The following SLC9A1 variants were observed in gnomAD, a reference collection of about 807,000 sequenced individuals.
SLC9A1 encodes sodium/hydrogen exchanger 1.
In SLC9A1, 22 loss-of-function variants were observed where a neutral mutation model predicts 67.9. That is an observed-to-expected ratio of 0.32 (90% CI 0.23 to 0.46). The LOEUF (loss-of-function observed/expected upper bound fraction) is 0.46. Among genes scored for constraint, SLC9A1 ranks in the 20% least tolerant of loss-of-function variants. SLC9A1 has a pLI of 1.00. For missense variants in SLC9A1, 686 were observed against 1,094.8 expected, an observed-to-expected ratio of 0.63 and a Z score of 5.27; for synonymous variants, 421 against 471.8, an observed-to-expected ratio of 0.89 and a Z score of 1.40.
chr1:27,153,231 G>A (rs1467214506), intron 1 of SLC9A1, among the ~76,000 whole-genome samples: 2 of 152,194 alleles, frequency 1.3e-5, no homozygotes, highest in South Asian at 4.2e-4. Flanking sequence ...GCCAGGCAGC[G>A]ACCTGGGGGT....
chr1:27,103,093 G>A, intron 6 of SLC9A1, 130 bp downstream of exon 6: 1 of 741,292 alleles, frequency 1.3e-6, no homozygotes, highest in Non-Finnish European at 2.4e-6. Flanking sequence ...CGGCCTCCTG[G>A]GGCAGAGGGA....
At chr1:27,104,256 AT>A (rs1250753113) in intron 5 of SLC9A1, among the ~76,000 whole-genome samples, 2 of 151,772 alleles carry the variant, frequency 1.3e-5, no homozygotes, top group Non-Finnish European at 2.9e-5. Context: ...TAATTTTTGT[AT>A]TTTTAGTAGA....
Position 27,132,937 on chromosome 1 carries a change from C to T in SLC9A1, c.353-18651G>A, listed in dbSNP as rs553057688. Among the ~76,000 whole-genome samples, 163 of 152,332 alleles carry T rather than the reference C, an allele frequency of 1.1e-3. 1 individual carries two copies. The highest frequency in any genetic ancestry group is 3.8e-3 in the African/African-American group (156 of 41,574). On this transcript the variant is annotated intron_variant, in intron 1 of 11. Transcript: ENST00000263980. The stretch of plus-strand genomic sequence containing the variant: ...CTGGTACTGCACTGTGACGTGGTAG[C>T]TAAACACCCGGGAGAGTGGGACCCA...
chr1:27,136,919 T>A (rs2083423846), intron 1 of SLC9A1, among the ~76,000 whole-genome samples: 3 of 152,142 alleles, frequency 2.0e-5, no homozygotes, highest in Admixed American at 6.5e-5. Flanking sequence ...TTCCCCCATC[T>A]TCAGGAAAGA....
intron 1 of SLC9A1, among the ~76,000 whole-genome samples, chr1:27,129,764 C>A (rs1570872417): frequency 6.6e-6 from 1 of 152,290 alleles, no homozygotes; most frequent in South Asian, 2.1e-4. Context: ...GGTGCCAACC[C>A]CCCCATTCCA....
chr1:27,153,660 G>A (rs982596568), intron 1 of SLC9A1, among the ~76,000 whole-genome samples: 3 of 152,208 alleles, frequency 2.0e-5, no homozygotes, highest in African/African-American at 7.2e-5. Flanking sequence ...GGGGTGCCTG[G>A]CTCCCCTGGG....
chr1:27,101,739 G>A lies in SLC9A1; in HGVS notation c.2023C>T (p.Gln675Ter). Residue 675 changes from glutamine (Q) to a stop codon, truncating the protein, a stop_gained, in exon 10 of 12, where the codon CAG becomes TAG. Coordinates refer to ENST00000263980, the MANE Select transcript of SLC9A1 (RefSeq NM_003047.5). LOFTEE classifies it high-confidence loss of function. The surrounding 1 kb of genome is among the most constrained non-coding windows in gnomAD (Gnocchi z 4.9). Reference protein sequence around the residue: ...QMLLRRQKARQLEQKINNYLT... With the variant: ...QMLLRRQKAR ...GCAGAGGCTACCTTCTGCTCCAGCT[G>A]CCGGGCCTTCTGCCTCCGGAGCAGC... The A allele has an allele frequency of 6.2e-7, 1 of 1,611,470 alleles. No individual in the cohort carries two copies. The highest frequency in any genetic ancestry group is 8.5e-7 in the Non-Finnish European group (1 of 1,178,464).
At position 27,101,058 on chromosome 1, in the gene SLC9A1, C is replaced by G; in HGVS notation, c.2110+145G>C. On this transcript the variant is annotated intron_variant, in intron 11 of 11. Coordinates refer to ENST00000263980, the MANE Select transcript of SLC9A1 (RefSeq NM_003047.5). The surrounding 1 kb of genome is among the most constrained non-coding windows in gnomAD (Gnocchi z 4.9). ...CTAGGGATGGCCCCTGACGTAGAAG[C>G]AGCTCATGGCTTGGGAGGGGATCCT... is the stretch of plus-strand genomic sequence containing the variant. 1.6e-6 allele frequency: 1 copy of G among 642,834 alleles called. No individual in the cohort carries two copies. The highest frequency in any genetic ancestry group is 2.7e-6 in the Non-Finnish European group (1 of 366,674). The allele number at this position is 642,834 out of a possible 1,614,324, so 39.8% of individuals were successfully genotyped here. A position where few individuals can be genotyped will look rare whatever the true frequency, so the allele number is the denominator to read the frequency against.
chr1:27,131,678 G>A (rs2083385343), intron 1 of SLC9A1, among the ~76,000 whole-genome samples: 1 of 149,758 alleles, frequency 6.7e-6, no homozygotes, highest in Non-Finnish European at 1.5e-5. Context: ...AACCCAGGAG[G>A]TGGAGTTGCA....
At chr1:27,146,588 T>C (rs1347191226) in intron 1 of SLC9A1, among the ~76,000 whole-genome samples, 1 of 152,212 alleles carries the variant, frequency 6.6e-6, no homozygotes, top group East Asian at 1.9e-4. Flanking sequence ...GCTGTGCAAG[T>C]ACCTTTCACA....
Position 27,101,741 on chromosome 1 carries a change from C to T in SLC9A1, c.2021G>A (p.Arg674Gln), listed in dbSNP as rs199671353. ...AGAGGCTACCTTCTGCTCCAGCTGC[C>T]GGGCCTTCTGCCTCCGGAGCAGCAT... ...NQMLLRRQKARQLEQKINNYL... is the reference protein window; with the variant it reads ...NQMLLRRQKAQQLEQKINNYL... The change falls in exon 10 of 12, where the codon CGG becomes CAG. Residue 674 changes from arginine (R) to glutamine (Q), a missense_variant. By Grantham distance (43) the Arg-to-Gln change is conservative. Coordinates refer to ENST00000263980, the MANE Select transcript of SLC9A1 (RefSeq NM_003047.5). This position sits in a 1 kb window ranked among gnomAD's most constrained non-coding sequence, Gnocchi z 4.9. 65 of 1,612,030 alleles carry T rather than the reference C, an allele frequency of 4.0e-5. No homozygotes were observed. Among genetic ancestry groups the T allele is most frequent in the South Asian group, 2.3e-4 (21 of 90,890 alleles).
intron 3 of SLC9A1, among the ~76,000 whole-genome samples, chr1:27,108,917 C>T (rs2083208406): frequency 6.6e-6 from 1 of 152,186 alleles, no homozygotes; most frequent in South Asian, 2.1e-4. Flanking sequence ...GAGCTTTGTT[C>T]CAAGCAGCTG....
In SLC9A1 at chr1:27,137,559, C is replaced by T. The variant is rs1437795917; in HGVS notation, c.352+16424G>A. ...CAGTCCTGGTCTTTTGATTCCCTAA[C>T]CCCTTATCTTCTCCTCCTGGACTTC... On this transcript the variant is annotated intron_variant, in intron 1 of 11. Transcript: ENST00000263980. This position sits in a 1 kb window ranked among gnomAD's most constrained non-coding sequence, Gnocchi z 4.6. Among the ~76,000 whole-genome samples, 1 of 152,206 alleles carries T rather than the reference C, an allele frequency of 6.6e-6. No individual in the cohort carries two copies. The highest frequency in any genetic ancestry group is 2.4e-5 in the African/African-American group (1 of 41,442).
chr1:27,124,063 T>C (rs139246946), intron 1 of SLC9A1, among the ~76,000 whole-genome samples: 137 of 152,256 alleles, frequency 9.0e-4, no homozygotes, highest in African/African-American at 3.2e-3. Flanking sequence ...CCAGCTCAGG[T>C]GCTCCGTTCC....
At chr1:27,148,085 A>C (rs370650993) in intron 1 of SLC9A1, among the ~76,000 whole-genome samples, 63 of 151,994 alleles carry the variant, frequency 4.1e-4, no homozygotes, top group African/African-American at 1.4e-3. Flanking sequence ...CTGAGACTAG[A>C]TCTCAGGTAT....
Position 27,118,715 on chromosome 1 carries a change from C to T in SLC9A1, c.353-4429G>A, listed in dbSNP as rs1006830411. Among the ~76,000 whole-genome samples, 1 of 152,086 alleles carries T rather than the reference C, an allele frequency of 6.6e-6. No homozygotes were observed. Among genetic ancestry groups the T allele is most frequent in the Non-Finnish European group, 1.5e-5 (1 of 68,010 alleles). ...AGGCAGTTAGAGTAAGAACCAGAGTCGTAAGAGCTGGAATGGATCTTGGAG... is the reference window on the plus strand; with the variant it reads ...AGGCAGTTAGAGTAAGAACCAGAGTTGTAAGAGCTGGAATGGATCTTGGAG... On this transcript the variant is annotated intron_variant, in intron 1 of 11. Transcript: ENST00000263980. The surrounding 1 kb of genome is among the most constrained non-coding windows in gnomAD (Gnocchi z 4.3).
chr1:27,154,650 G>T lies in SLC9A1; in HGVS notation c.-316C>A. 6.4e-6 allele frequency: 2 copies of T among 310,610 alleles called. No homozygotes were observed. Among genetic ancestry groups the T allele is most frequent in the South Asian group, 5.0e-5 (1 of 20,002 alleles). The allele number at this position is 310,610 out of a possible 1,614,324, so 19.2% of individuals were successfully genotyped here. ...CTGAGCCCTAGGGATAGAGGAAGGG[G>T]CAGGATAGGGATAGTGCAAAGGAAA... On this transcript the variant is annotated 5_prime_UTR_variant, in exon 1 of 12. Coordinates refer to ENST00000263980, the MANE Select transcript of SLC9A1 (RefSeq NM_003047.5).
At chr1:27,153,084 T>C (rs74690892) in intron 1 of SLC9A1, among the ~76,000 whole-genome samples, 24 of 152,284 alleles carry the variant, frequency 1.6e-4, no homozygotes, top group Non-Finnish European at 2.6e-4. Context: ...ACCAATACTC[T>C]GAGAGCAAAT....
In SLC9A1 at chr1:27,103,569, C is replaced by T; in HGVS notation, c.1486-257G>A. 3 of 524,634 alleles carry T rather than the reference C, an allele frequency of 5.7e-6. No individual in the cohort carries two copies. In the South Asian group the frequency reaches 6.3e-5, roughly 11 times the overall value. The allele number at this position is 524,634 out of a possible 1,614,324, so 32.5% of individuals were successfully genotyped here. A position where few individuals can be genotyped will look rare whatever the true frequency, so the allele number is the denominator to read the frequency against. On this transcript the variant is annotated intron_variant, in intron 5 of 11. Transcript: ENST00000263980. ...CCCCACACTGGTCATCTGGCCTGGGCCAGGCAGCAGACAGCCTGGGTTCAG... is the reference window on the plus strand; with the variant it reads ...CCCCACACTGGTCATCTGGCCTGGGTCAGGCAGCAGACAGCCTGGGTTCAG...
Sources: gnomAD v4.1 joint callset for allele counts (sites outside exome capture counted in the v4.1 genomes callset) on GRCh38, gnomAD v4.1.1 for gene constraint, Gnocchi (gnomAD v3.1) non-coding constraint, MANE v1.5 for transcripts, NCBI Gene and HGNC (gene_info 2026-07-23, HGNC 2026-07-21) for gene names.